Variants in IL16 observed in about 807,000 individuals in gnomAD.
IL16 encodes the protein pro-interleukin-16.
In IL16, 67 loss-of-function variants were observed where a neutral mutation model predicts 110.1. The ratio of observed to expected loss-of-function variants is 0.61; its 90% CI spans 0.50 to 0.75. The LOEUF is 0.75. Among genes scored for constraint, IL16 ranks in the 30% least tolerant of loss-of-function variants. IL16 has a pLI of 0.00. For missense variants in IL16, 1,545 were observed against 1,655.0 expected (o/e 0.93, Z 1.15); for synonymous variants, 689 against 662.9 (o/e 1.04, Z -0.61).
At chr15:81,292,489 T>C (rs1596041224) in intron 11 of IL16, 67 bp from the exon 12 acceptor site, 1 of 1,610,738 alleles carries the variant, frequency 6.2e-7, no homozygotes, top group Non-Finnish European at 8.5e-7. Flanking sequence ...CAGTCACAGG[T>C]GAGGCCAGGG....
chr15:81,300,340 T>C lies in IL16; in HGVS notation c.3014T>C (p.Leu1005Pro). Residue 1005 changes from leucine (L) to proline (P), a missense_variant, in exon 14 of 19, where the codon CTT becomes CCT. Coordinates refer to ENST00000683961, the MANE Select transcript of IL16 (RefSeq NM_172217.5). Reference sequence around the variant, plus strand: ...GCTGTCATGAAATCCTTGCTGTGCCTTCCATCTTCTATCTCCTGTGCCCAG... The same window carrying C: ...GCTGTCATGAAATCCTTGCTGTGCCCTCCATCTTCTATCTCCTGTGCCCAG... Reference protein sequence around the residue: ...SSAVMKSLLCLPSSISCAQTP... With the variant: ...SSAVMKSLLCPPSSISCAQTP... 5 of 1,614,170 alleles carry C rather than the reference T, an allele frequency of 3.1e-6. No homozygotes were observed. Among genetic ancestry groups the C allele is most frequent in the Non-Finnish European group, 4.2e-6 (5 of 1,180,016 alleles).
In IL16 at chr15:81,241,956, C is replaced by CTT. The variant is rs367786067; in HGVS notation, c.312+16257_312+16258dup. Among the ~76,000 whole-genome samples the CTT allele has an allele frequency of 3.8e-3, 552 of 144,374 alleles. 2 individuals are homozygous for CTT. Among genetic ancestry groups the CTT allele is most frequent in the Non-Finnish European group, 6.4e-3 (422 of 65,804 alleles). 94.7% of individuals were successfully genotyped at this position (144,374 alleles called of 152,430 possible). A position where few individuals can be genotyped will look rare whatever the true frequency, so the allele number is the denominator to read the frequency against. ...TGTGAAATGTGAAACTTAAACCAAGCTTTTTTTTTTTTTCTCTCCTGTGGA... is the reference window on the plus strand; with the variant it reads ...TGTGAAATGTGAAACTTAAACCAAGCTTTTTTTTTTTTTTTCTCTCCTGTGGA... On this transcript the variant is annotated intron_variant, in intron 2 of 18. Coordinates refer to ENST00000683961, the MANE Select transcript of IL16 (RefSeq NM_172217.5).
intron 2 of IL16, among the ~76,000 whole-genome samples, chr15:81,254,207 G>T (rs1444461090): frequency 1.3e-5 from 2 of 152,170 alleles, no homozygotes; most frequent in Non-Finnish European, 2.9e-5. Context: ...GAAGCATCAG[G>T]CTTCTGTCAG....
intron 1 of IL16, among the ~76,000 whole-genome samples, chr15:81,191,476 A>G (rs1328231986): frequency 6.6e-6 from 1 of 152,186 alleles, no homozygotes; most frequent in African/African-American, 2.4e-5. Context: ...GTAAATGTTT[A>G]TCAACCCTTT....
intron 10 of IL16, among the ~76,000 whole-genome samples, chr15:81,287,485 G>T (rs1899503836): frequency 6.6e-6 from 1 of 152,148 alleles, no homozygotes; most frequent in African/African-American, 2.4e-5. Flanking sequence ...TCACCACAAA[G>T]AATTATTTAA....
At chr15:81,288,849 G>GTGTGTGTGCA (rs60340275) in intron 10 of IL16, among the ~76,000 whole-genome samples, 16 of 116,174 alleles carry the variant, frequency 1.4e-4, no homozygotes, top group Non-Finnish European at 2.2e-4. Flanking sequence ...GTGTGTGTGT[G>GTGTGTGTGCA]CGTGTGTGTG....
intron 2 of IL16, among the ~76,000 whole-genome samples, chr15:81,237,121 C>G (rs1404566306): frequency 6.6e-6 from 1 of 152,174 alleles, no homozygotes; most frequent in Non-Finnish European, 1.5e-5. Context: ...CCTTGTGGCT[C>G]TCTGCCTGGA....
At chr15:81,224,387 C>T (rs535252101) in intron 1 of IL16, among the ~76,000 whole-genome samples, 2 of 152,318 alleles carry the variant, frequency 1.3e-5, no homozygotes, top group South Asian at 4.1e-4. Flanking sequence ...CCTTTCACCA[C>T]CTGCTTCATG....
chr15:81,233,491 G>GTGTA (rs1555415926), intron 2 of IL16, among the ~76,000 whole-genome samples: 200 of 147,354 alleles, frequency 1.4e-3, no homozygotes, highest in Non-Finnish European at 2.5e-3. Flanking sequence ...GTGTGTGTGT[G>GTGTA]TGTGTCTTGA....
chr15:81,254,506 G>A (rs1897879421), intron 2 of IL16, among the ~76,000 whole-genome samples: 2 of 152,206 alleles, frequency 1.3e-5, no homozygotes, highest in African/African-American at 4.8e-5. Context: ...TCTCTGGACA[G>A]TTGACCCCAT....
intron 4 of IL16, among the ~76,000 whole-genome samples, chr15:81,268,374 G>A (rs1898487216): frequency 6.6e-6 from 1 of 152,284 alleles, no homozygotes. Flanking sequence ...AAAGAGCTAA[G>A]TACTGTTAAT....
At chr15:81,182,867 A>C in exon 1 of IL16, 1 of 1,289,500 alleles carries the variant, frequency 7.8e-7, no homozygotes, top group Non-Finnish European at 1.0e-6. Flanking sequence ...ATGAGTTTGC[A>C]GAAGAGAGTC....
intron 2 of IL16, among the ~76,000 whole-genome samples, chr15:81,256,921 G>A (rs1232632020): frequency 1.3e-5 from 2 of 152,166 alleles, no homozygotes; most frequent in East Asian, 1.9e-4. Context: ...GCCAGAGGGA[G>A]GTCTTGAAAT....
At position 81,306,120 on chromosome 15, in the gene IL16, C is replaced by T. The variant is rs756455251; in HGVS notation, c.3633C>T (p.Asp1211=). Residue 1211 remains aspartate, a synonymous_variant, in exon 17 of 19, where the codon GAC becomes GAT. Transcript: ENST00000683961. The part of the protein sequence containing the change: ...EAMPDLNSST[D]SAASASAASD... ...TGCCCGACCTCAACTCCTCCACTGA[C>T]TCTGCAGCCTCAGCCTCTGCAGCCA... 6 of 1,614,208 alleles carry T rather than the reference C, an allele frequency of 3.7e-6. No individual in the cohort carries two copies. Among genetic ancestry groups the T allele is most frequent in the Admixed American group, 1.7e-5 (1 of 60,036 alleles).
At chr15:81,274,525 A>C (rs897005924) in intron 6 of IL16, among the ~76,000 whole-genome samples, 5 of 152,222 alleles carry the variant, frequency 3.3e-5, no homozygotes, top group Non-Finnish European at 7.3e-5. Context: ...AAAAGGATGG[A>C]TCATATACAA....
chr15:81,263,799 G>T (rs577364094), intron 3 of IL16, among the ~76,000 whole-genome samples: 3 of 152,158 alleles, frequency 2.0e-5, no homozygotes, highest in Non-Finnish European at 4.4e-5. Context: ...CAAGTCACAG[G>T]TCACCCTTGC....
At chr15:81,305,736 AG>A in intron 16 of IL16, 171 bp from the exon 17 acceptor site, 1 of 705,070 alleles carries the variant, frequency 1.4e-6, no homozygotes, top group East Asian at 2.6e-5. Context: ...TGGATGGAGA[AG>A]GAGGGAATGC....
chr15:81,232,042 G>GTTTTTTTTTTTTTTTTTTTTTTTT, intron 2 of IL16, among the ~76,000 whole-genome samples: 5 of 57,704 alleles, frequency 8.7e-5, no homozygotes, highest in African/African-American at 1.3e-4. Flanking sequence ...ATTTGTTCTT[G>GTTTTTTTTTTTTTTTTTTTTTTTT]TTTTTTTTTT....
At chr15:81,244,419 C>T (rs1897463321) in intron 2 of IL16, among the ~76,000 whole-genome samples, 1 of 151,972 alleles carries the variant, frequency 6.6e-6, no homozygotes, top group African/African-American at 2.4e-5. Context: ...ATCTCAGAAT[C>T]TCTTAATTTC....
Sources: allele counts gnomAD v4.1 joint callset (sites outside exome capture counted in the v4.1 genomes callset), GRCh38; gene constraint gnomAD v4.1.1; transcripts MANE v1.5; gene names NCBI Gene and HGNC (gene_info 2026-07-23, HGNC 2026-07-21).